The following ESRRG variants were observed in gnomAD, a reference collection of about 807,000 sequenced individuals.
ESRRG encodes the protein estrogen-related receptor gamma.
ESRRG carries 13 observed loss-of-function variants against 44.0 expected under a neutral mutation model. The ratio of observed to expected loss-of-function variants is 0.30; its 90% CI spans 0.19 to 0.47. The LOEUF (loss-of-function observed/expected upper bound fraction) is 0.47. Among genes scored for constraint, ESRRG ranks in the 20% least tolerant of loss-of-function variants. ESRRG has a pLI of 1.00. For missense variants in ESRRG, 395 were observed against 580.6 expected, an observed-to-expected ratio of 0.68 and a Z score of 3.29; for synonymous variants, 215 against 214.6, an observed-to-expected ratio of 1.00 and a Z score of -0.02.
chr1:216,562,864 G>A (rs11572785), intron 5 of ESRRG, among the ~76,000 whole-genome samples: 2,558 of 152,132 alleles, frequency 0.017, 65 homozygotes, highest in East Asian at 0.058. Flanking sequence ...TTACAAATAA[G>A]TTTTCATACA....
chr1:216,912,241 GAGA>G (rs2060540391), intron 2 of ESRRG, among the ~76,000 whole-genome samples: 1 of 59,518 alleles, frequency 1.7e-5, no homozygotes, highest in African/African-American at 5.0e-5. Flanking sequence ...GAGAGGAGAG[GAGA>G]GGAGAGGAGA....
At chr1:216,732,108 A>G (rs1285541871) in intron 2 of ESRRG, among the ~76,000 whole-genome samples, 1 of 143,570 alleles carries the variant, frequency 7.0e-6, no homozygotes, top group Non-Finnish European at 1.5e-5. Flanking sequence ...GAAAATAAAA[A>G]ATAAAAAAAG....
At chr1:216,984,048 TG>T (rs1188432575) in intron 1 of ESRRG, among the ~76,000 whole-genome samples, 601 of 48,610 alleles carry the variant, frequency 0.012, 3 homozygotes, top group African/African-American at 0.049. Flanking sequence ...ATAATAAGAA[TG>T]GGGGGGGGTA....
chr1:216,744,964 A>T (rs1317614007), intron 2 of ESRRG, among the ~76,000 whole-genome samples: 1 of 152,150 alleles, frequency 6.6e-6, no homozygotes, highest in African/African-American at 2.4e-5. Flanking sequence ...AACTATTTCG[A>T]TAGAGTAGAA....
At chr1:216,961,116 G>A (rs967091272) in intron 1 of ESRRG, among the ~76,000 whole-genome samples, 14 of 152,264 alleles carry the variant, frequency 9.2e-5, no homozygotes, top group African/African-American at 1.2e-4. Context: ...CAAAAAAGAC[G>A]TTGCCAGATG....
intron 2 of ESRRG, among the ~76,000 whole-genome samples, chr1:216,778,779 G>A (rs1344624472): frequency 6.6e-6 from 1 of 151,946 alleles, no homozygotes; most frequent in Non-Finnish European, 1.5e-5. Context: ...TTCAACCTAT[G>A]TGGAAGAAGT....
At chr1:216,962,099 A>G (rs1459327723) in intron 1 of ESRRG, among the ~76,000 whole-genome samples, 1 of 152,152 alleles carries the variant, frequency 6.6e-6, no homozygotes, top group Non-Finnish European at 1.5e-5. Flanking sequence ...TTAACTGCAA[A>G]TAGAAAGTCC....
chr1:217,102,616 G>A (rs1230293393), intron 1 of ESRRG, among the ~76,000 whole-genome samples: 1 of 152,116 alleles, frequency 6.6e-6, no homozygotes, highest in Non-Finnish European at 1.5e-5. Context: ...TTTACACTCA[G>A]ACTTCTGAAT....
At chr1:217,006,863 T>G (rs1003451446) in intron 1 of ESRRG, among the ~76,000 whole-genome samples, 48 of 152,216 alleles carry the variant, frequency 3.2e-4, no homozygotes, top group African/African-American at 1.1e-3. Context: ...ATTTTCAGAT[T>G]AGGCATGCTC....
At chr1:216,803,401 C>T (rs1037768676) in intron 2 of ESRRG, among the ~76,000 whole-genome samples, 5 of 152,074 alleles carry the variant, frequency 3.3e-5, no homozygotes, top group Non-Finnish European at 5.9e-5. Context: ...GAGTGTCCCC[C>T]GCCCCATCAC....
At position 216,834,085 on chromosome 1, in the gene ESRRG, G is replaced by A. The variant is rs1244613643; in HGVS notation, c.-14+105497C>T. On this transcript the variant is annotated intron_variant, in intron 2 of 7. Transcript: ENST00000359162. ...CACACATTTTGCAAGCTATAAAGTT[G>A]AAAGAGAAAGAGCTAGAGTCAAAGG... Among the ~76,000 whole-genome samples, 9 of 152,244 alleles carry A rather than the reference G, an allele frequency of 5.9e-5. No individual in the cohort carries two copies. In the East Asian group the frequency reaches 1.5e-3, roughly 26 times the overall value.
chr1:216,557,702 A>G (rs1228780967), intron 5 of ESRRG, among the ~76,000 whole-genome samples: 1 of 152,202 alleles, frequency 6.6e-6, no homozygotes, highest in African/African-American at 2.4e-5. Flanking sequence ...TAAATTCTGG[A>G]ACTAATAAAG....
At chr1:216,993,767 C>G (rs906452034) in intron 1 of ESRRG, among the ~76,000 whole-genome samples, 3 of 152,172 alleles carry the variant, frequency 2.0e-5, no homozygotes, top group South Asian at 2.1e-4. Context: ...TGCGCTCACT[C>G]TGGCTCCTGT....
chr1:217,009,846 C>T (rs563610080), intron 1 of ESRRG, among the ~76,000 whole-genome samples: 1 of 151,604 alleles, frequency 6.6e-6, no homozygotes, highest in South Asian at 2.1e-4. Flanking sequence ...GCTGAGATTA[C>T]AGGTGCCTGC....
intron 2 of ESRRG, among the ~76,000 whole-genome samples, chr1:216,654,347 C>A (rs1478662275): frequency 6.6e-6 from 1 of 151,848 alleles, no homozygotes; most frequent in Non-Finnish European, 1.5e-5. Context: ...GAAGAAAAAG[C>A]CAGGTGCGAT....
chr1:216,926,807 A>T (rs1439319727), intron 2 of ESRRG, among the ~76,000 whole-genome samples: 1 of 152,180 alleles, frequency 6.6e-6, no homozygotes, highest in African/African-American at 2.4e-5. Context: ...AGATTGAGGT[A>T]GAGAAGGAAG....
At chr1:217,090,256 C>G (rs1436944440), upstream of ESRRG, among the ~76,000 whole-genome samples, 2 of 152,030 alleles carry the variant, frequency 1.3e-5, no homozygotes, top group Non-Finnish European at 2.9e-5. Flanking sequence ...GCCAACTGCT[C>G]CCTTTTGACC....
intron 2 of ESRRG, among the ~76,000 whole-genome samples, chr1:216,731,948 A>T (rs1425515557): frequency 6.6e-6 from 1 of 152,230 alleles, no homozygotes; most frequent in African/African-American, 2.4e-5. Flanking sequence ...GACATGGATT[A>T]ATTCATCCTT....
intron 2 of ESRRG, among the ~76,000 whole-genome samples, chr1:216,928,328 GT>G (rs1490301522): frequency 6.6e-6 from 1 of 152,064 alleles, no homozygotes; most frequent in Non-Finnish European, 1.5e-5. Context: ...GGATGTCTCA[GT>G]TTTTTCTGCC....
Sources: gnomAD v4.1 joint callset for allele counts (sites outside exome capture counted in the v4.1 genomes callset) on GRCh38, gnomAD v4.1.1 for gene constraint, MANE v1.5 for transcripts, NCBI Gene and HGNC (gene_info 2026-07-23, HGNC 2026-07-21) for gene names.